Variants in MANEAL observed in about 807,000 individuals in gnomAD.
MANEAL encodes glycoprotein endo-alpha-1,2-mannosidase-like protein.
Under a neutral mutation model 35.9 loss-of-function variants are expected in MANEAL, and 28 were observed. That is an observed-to-expected ratio of 0.78 (90% CI 0.58 to 1.07). The LOEUF is 1.07. Among genes scored for constraint, MANEAL ranks in the 50% least tolerant of loss-of-function variants. The probability of loss-of-function intolerance (pLI) is 0.00; values close to 1 mark genes in which losing one functional copy is unlikely to be tolerated. For missense variants in MANEAL, 576 were observed against 629.6 expected (o/e 0.91, Z 0.91); for synonymous variants, 286 against 272.2 (o/e 1.05, Z -0.50).
chr1:37,800,391 T>A lies in MANEAL; in HGVS notation c.*188T>A. The A allele has an allele frequency of 1.5e-6, 1 of 676,036 alleles. No individual in the cohort carries two copies. Among genetic ancestry groups the A allele is most frequent in the Non-Finnish European group, 2.5e-6 (1 of 406,322 alleles). The allele number at this position is 676,036 out of a possible 1,614,324, so 41.9% of individuals were successfully genotyped here. A position where few individuals can be genotyped will look rare whatever the true frequency, so the allele number is the denominator to read the frequency against. On this transcript the variant is annotated 3_prime_UTR_variant, in exon 4 of 4. Coordinates refer to ENST00000373045, the MANE Select transcript of MANEAL (RefSeq NM_001113482.2). ...AGCCCGTTCCTCAGGCGAGTGGTGC[T>A]GAGGTGCTCTGTGGTGATGGGAACG...
chr1:37,798,186 C>T (rs896997777), intron 3 of MANEAL, among the ~76,000 whole-genome samples: 6 of 152,090 alleles, frequency 3.9e-5, no homozygotes, highest in African/African-American at 1.2e-4. Context: ...GTATTGAGTG[C>T]CTACATGTGT....
At position 37,796,823 on chromosome 1, in the gene MANEAL, A is replaced by G. The variant is rs1646649456; in HGVS notation, c.737+3A>G. 6.2e-7 allele frequency: 1 copy of G among 1,608,692 alleles called. No homozygotes were observed. The stretch of plus-strand genomic sequence containing the variant: ...AACATCAAGTACATCATTGACACGT[A>G]AGGCTGCTCTGGGGGCCGGGATTTT... On this transcript the variant is annotated splice_donor_region_variant and intron_variant, in intron 3 of 3. Coordinates refer to ENST00000373045, the MANE Select transcript of MANEAL (RefSeq NM_001113482.2).
chr1:37,799,707 G>A lies in MANEAL; in HGVS notation c.878G>A (p.Arg293His), dbSNP rs201707390. 1.1e-5 allele frequency: 17 copies of A among 1,614,184 alleles called. No individual in the cohort carries two copies. Among genetic ancestry groups the A allele is most frequent in the East Asian group, 2.2e-5 (1 of 44,890 alleles). The change falls in exon 4 of 4, where the codon CGC becomes CAC. Residue 293 changes from arginine (R) to histidine (H), a missense_variant. Around this residue, in one of 3 missense-constraint regions of MANEAL, gnomAD observed 449 missense variants for 516.1 expected, o/e 0.87. Coordinates refer to ENST00000373045, the MANE Select transcript of MANEAL (RefSeq NM_001113482.2). The surrounding 1 kb of genome is among the most constrained non-coding windows in gnomAD (Gnocchi z 4.1). ...LLTPNGPHSI[R>H]NTPYDGVFIA... ...ACACCAAACGGGCCCCATTCGATCCGCAACACGCCCTACGATGGGGTCTTC... is the reference window on the plus strand; with the variant it reads ...ACACCAAACGGGCCCCATTCGATCCACAACACGCCCTACGATGGGGTCTTC...
Position 37,800,208 on chromosome 1 carries a change from C to A in MANEAL, c.*5C>A, listed in dbSNP as rs1480446904. ...AAGGAGCAGTGGCTCATGTGAGGGGCCTGTAAATGGGCGTGAGGTGCTGAT... is the reference window on the plus strand; with the variant it reads ...AAGGAGCAGTGGCTCATGTGAGGGGACTGTAAATGGGCGTGAGGTGCTGAT... On this transcript the variant is annotated 3_prime_UTR_variant, in exon 4 of 4. Transcript: ENST00000373045. 1 of 1,610,984 alleles carries A rather than the reference C, an allele frequency of 6.2e-7. No individual in the cohort carries two copies. The highest frequency in any genetic ancestry group is 8.5e-7 in the Non-Finnish European group (1 of 1,179,360).
In MANEAL at chr1:37,799,607, A is replaced by T. The variant is rs1329857558; in HGVS notation, c.778A>T (p.Met260Leu). ...TGCATTTTACCGCTATAAGAACAGCATGGGCAAGAGCCTCCCACTCTTTTA... is the reference window on the plus strand; with the variant it reads ...TGCATTTTACCGCTATAAGAACAGCTTGGGCAAGAGCCTCCCACTCTTTTA... ...HGAFYRYKNS[M>L]GKSLPLFYIY... is the part of the protein sequence containing the mutation. Residue 260 changes from methionine to leucine, a missense_variant, in exon 4 of 4, where the codon ATG becomes TTG. Met to Leu is a conservative substitution (Grantham distance 15). This residue lies in a region of MANEAL where 449 missense variants were observed against 516.1 expected (regional missense o/e 0.87). Coordinates refer to ENST00000373045, the MANE Select transcript of MANEAL (RefSeq NM_001113482.2). This position sits in a 1 kb window ranked among gnomAD's most constrained non-coding sequence, Gnocchi z 4.1. The T allele has an allele frequency of 1.9e-6, 3 of 1,614,052 alleles. No homozygotes were observed.
chr1:37,796,570 A>C (rs1569809694), intron 2 of MANEAL, among the ~76,000 whole-genome samples, 174 bp from the exon 3 acceptor site: 1 of 152,050 alleles, frequency 6.6e-6, no homozygotes, highest in South Asian at 2.1e-4. Context: ...CAAACTGCTC[A>C]CCCCTGTTTT....
rs80178245 is a variant in MANEAL, at chr1:37,797,890, C to G, written c.737+1070C>G. 4.6e-3 allele frequency among the ~76,000 whole-genome samples: 695 copies of G among 152,164 alleles called. 3 individuals carry two copies. Among genetic ancestry groups the G allele is most frequent in the African/African-American group, 0.015 (637 of 41,530 alleles). Reference sequence around the variant, plus strand: ...TACAGGTGTGAACCACTGCACCCGGCCTCCCAGGGCTTTGGGAGGCAGAGG... The same window carrying G: ...TACAGGTGTGAACCACTGCACCCGGGCTCCCAGGGCTTTGGGAGGCAGAGG... On this transcript the variant is annotated intron_variant, in intron 3 of 3. Coordinates refer to ENST00000373045, the MANE Select transcript of MANEAL (RefSeq NM_001113482.2).
rs200060171 is a variant in MANEAL at position 37,796,820 on chromosome 1, C to A, written c.737C>A (p.Thr246Lys). The change falls in exon 3 of 4, where the codon ACG becomes AAG. Residue 246 changes from threonine (T) to lysine (K), a missense_variant and splice_region_variant. This residue lies in a region of MANEAL where 449 missense variants were observed against 516.1 expected (regional missense o/e 0.87). Transcript: ENST00000373045. Reference sequence around the variant, plus strand: ...GACAACATCAAGTACATCATTGACACGTAAGGCTGCTCTGGGGGCCGGGAT... The same window carrying A: ...GACAACATCAAGTACATCATTGACAAGTAAGGCTGCTCTGGGGGCCGGGAT... ...VHDNIKYIID[T>K]YGSHGAFYRY... The A allele has an allele frequency of 6.2e-7, 1 of 1,608,738 alleles. No homozygotes were observed. The highest frequency in any genetic ancestry group is 1.7e-5 in the Admixed American group (1 of 59,142).
chr1:37,799,460 A>C lies in MANEAL; in HGVS notation c.738-107A>C, dbSNP rs1348680652. The C allele has an allele frequency of 7.9e-7, 1 of 1,270,216 alleles. No homozygotes were observed. The highest frequency in any genetic ancestry group is 2.2e-5 in the Admixed American group (1 of 44,868). 78.7% of individuals were successfully genotyped at this position (1,270,216 alleles called of 1,614,324 possible). On this transcript the variant is annotated intron_variant, in intron 3 of 3. Coordinates refer to ENST00000373045, the MANE Select transcript of MANEAL (RefSeq NM_001113482.2). This position sits in a 1 kb window ranked among gnomAD's most constrained non-coding sequence, Gnocchi z 4.1. ...ATGATGACTCCAACTGTGGAGACTG[A>C]CTGGCTCCAGAACTGGGCTGTGTTG...
rs11488632 is a variant in MANEAL at position 37,800,558 on chromosome 1, T to A, written c.*355T>A. The A allele has an allele frequency of 7.0e-3, 2,074 of 298,032 alleles. 33 individuals are homozygous for A. The highest frequency in any genetic ancestry group is 0.041 in the African/African-American group (1,948 of 47,354). The allele number at this position is 298,032 out of a possible 1,614,324, so 18.5% of individuals were successfully genotyped here. On this transcript the variant is annotated 3_prime_UTR_variant, in exon 4 of 4. Coordinates refer to ENST00000373045, the MANE Select transcript of MANEAL (RefSeq NM_001113482.2). The stretch of plus-strand genomic sequence containing the variant: ...CCCAGTCACCACCCTTGGAAGGGTG[T>A]CAGGGTCTGGGCTCGCATGCACCCT...
chr1:37,800,477 C>A lies in MANEAL; in HGVS notation c.*274C>A. 1.9e-6 allele frequency: 1 copy of A among 514,800 alleles called. No individual in the cohort carries two copies. The highest frequency in any genetic ancestry group is 2.3e-5 in the South Asian group (1 of 43,716). The allele number at this position is 514,800 out of a possible 1,614,324, so 31.9% of individuals were successfully genotyped here. ...CAGCTCCACATCCTGGGAACACTTT[C>A]ATGTAACCCCTTCTAGTTTTGAACT... On this transcript the variant is annotated 3_prime_UTR_variant, in exon 4 of 4. Coordinates refer to ENST00000373045, the MANE Select transcript of MANEAL (RefSeq NM_001113482.2).
intron 2 of MANEAL, among the ~76,000 whole-genome samples, chr1:37,796,411 T>G (rs981799581): frequency 6.6e-6 from 1 of 152,168 alleles, no homozygotes; most frequent in African/African-American, 2.4e-5. Flanking sequence ...ATCACAGCAG[T>G]TTTCCACTGA....
Position 37,799,617 on chromosome 1 carries a change from G to T in MANEAL, c.788G>T (p.Ser263Ile), listed in dbSNP as rs764965467. 3 of 1,614,154 alleles carry T rather than the reference G, an allele frequency of 1.9e-6. No homozygotes were observed. Among genetic ancestry groups the T allele is most frequent in the Non-Finnish European group, 2.5e-6 (3 of 1,180,038 alleles). Reference protein sequence around the residue: ...FYRYKNSMGKSLPLFYIYDSY... With the variant: ...FYRYKNSMGKILPLFYIYDSY... Reference sequence around the variant, plus strand: ...CGCTATAAGAACAGCATGGGCAAGAGCCTCCCACTCTTTTATATCTACGAC... The same window carrying T: ...CGCTATAAGAACAGCATGGGCAAGATCCTCCCACTCTTTTATATCTACGAC... Residue 263 changes from serine to isoleucine, a missense_variant, in exon 4 of 4, where the codon AGC becomes ATC. Ser to Ile is a moderately radical substitution (Grantham distance 142). Around this residue, in one of 3 missense-constraint regions of MANEAL, gnomAD observed 449 missense variants for 516.1 expected, o/e 0.87. Coordinates refer to ENST00000373045, the MANE Select transcript of MANEAL (RefSeq NM_001113482.2). The surrounding 1 kb of genome is among the most constrained non-coding windows in gnomAD (Gnocchi z 4.1).
rs55724847 is a variant in MANEAL at position 37,800,316 on chromosome 1, C to T, written c.*113C>T. ...CACTCGTTCCCAGGTCAGAGGTCAGCAGATGGGTGTTTCTGGGTGGGCCGT... is the reference window on the plus strand; with the variant it reads ...CACTCGTTCCCAGGTCAGAGGTCAGTAGATGGGTGTTTCTGGGTGGGCCGT... On this transcript the variant is annotated 3_prime_UTR_variant, in exon 4 of 4. Coordinates refer to ENST00000373045, the MANE Select transcript of MANEAL (RefSeq NM_001113482.2). 2.7e-3 allele frequency: 3,489 copies of T among 1,313,060 alleles called. 69 individuals carry two copies. The African/African-American group carries it at 0.04, about 15-fold the overall frequency. 81.3% of individuals were successfully genotyped at this position (1,313,060 alleles called of 1,614,324 possible). A position where few individuals can be genotyped will look rare whatever the true frequency, so the allele number is the denominator to read the frequency against.
chr1:37,800,443 A>C lies in MANEAL; in HGVS notation c.*240A>C. 1.7e-6 allele frequency: 1 copy of C among 574,582 alleles called. No individual in the cohort carries two copies. Among genetic ancestry groups the C allele is most frequent in the Non-Finnish European group, 3.1e-6 (1 of 322,754 alleles). The allele number at this position is 574,582 out of a possible 1,614,324, so 35.6% of individuals were successfully genotyped here. ...CAGAGGCTGGCAGGTGACTGAACTT[A>C]GCCCAGGGCAGCTCCACATCCTGGG... is the stretch of plus-strand genomic sequence containing the variant. On this transcript the variant is annotated 3_prime_UTR_variant, in exon 4 of 4. Coordinates refer to ENST00000373045, the MANE Select transcript of MANEAL (RefSeq NM_001113482.2).
At chr1:37,796,715 C>T in intron 2 of MANEAL, 29 bp from the exon 3 acceptor site, 10 of 1,584,810 alleles carry the variant, frequency 6.3e-6, no homozygotes, top group Admixed American at 3.6e-5. Flanking sequence ...TAGACACTCA[C>T]CTGACCATTA....
At position 37,799,993 on chromosome 1, in the gene MANEAL, G is replaced by C; in HGVS notation, c.1164G>C (p.Leu388=). 6.2e-7 allele frequency: 1 copy of C among 1,614,196 alleles called. No individual in the cohort carries two copies. Among genetic ancestry groups the C allele is most frequent in the Non-Finnish European group, 8.5e-7 (1 of 1,180,020 alleles). ...RVNGKYYETA[L]QAALTVRPEI... ...ATGGCAAGTACTATGAGACGGCCCTGCAGGCGGCCCTGACAGTGAGGCCCG... is the reference window on the plus strand; with the variant it reads ...ATGGCAAGTACTATGAGACGGCCCTCCAGGCGGCCCTGACAGTGAGGCCCG... The change falls in exon 4 of 4, where the codon CTG becomes CTC. Residue 388 remains leucine, a synonymous_variant. Coordinates refer to ENST00000373045, the MANE Select transcript of MANEAL (RefSeq NM_001113482.2). This position sits in a 1 kb window ranked among gnomAD's most constrained non-coding sequence, Gnocchi z 4.1.
At chr1:37,796,456 C>T (rs1005405381) in intron 2 of MANEAL, among the ~76,000 whole-genome samples, 2 of 152,222 alleles carry the variant, frequency 1.3e-5, no homozygotes, top group African/African-American at 4.8e-5. Flanking sequence ...CTGTTTCAGG[C>T]AGCTAGCACC....
At chr1:37,796,269 C>G (rs1412009458) in intron 2 of MANEAL, among the ~76,000 whole-genome samples, 5 of 152,130 alleles carry the variant, frequency 3.3e-5, no homozygotes, top group African/African-American at 1.2e-4. Context: ...CTGGACGAAG[C>G]ATTTCCCCAC....
Sources: allele counts gnomAD v4.1 joint callset (sites outside exome capture counted in the v4.1 genomes callset), GRCh38; gene constraint gnomAD v4.1.1; regional missense constraint gnomAD v4.1.1; non-coding constraint Gnocchi (gnomAD v3.1); transcripts MANE v1.5; gene names NCBI Gene and HGNC (gene_info 2026-07-23, HGNC 2026-07-21).